Variants in TENT5A observed in about 807,000 individuals in gnomAD.
TENT5A encodes terminal nucleotidyltransferase 5A.
A neutral mutation model predicts 30.2 loss-of-function variants in TENT5A; 9 were observed. That is an observed-to-expected ratio of 0.30 (90% CI 0.18 to 0.52). The LOEUF (loss-of-function observed/expected upper bound fraction) is 0.52, where lower values mean the gene tolerates loss of function less well. TENT5A is among the 20% of genes least tolerant of loss of function. TENT5A has a pLI of 0.97. For missense variants in TENT5A, 411 were observed against 566.1 expected (o/e 0.73, Z 2.78); for synonymous variants, 264 against 234.2 (o/e 1.13, Z -1.16).
At chr6:81,752,317 C>CCT in intron 1 of TENT5A, 114 bp downstream of exon 1, 1 of 1,533,822 alleles carries the variant, frequency 6.5e-7, no homozygotes, top group Non-Finnish European at 8.8e-7. Context: ...TCGGAGACTC[C>CCT]CTCCCCCGGC....
rs1447454437 is a variant in TENT5A at position 81,747,951 on chromosome 6, G to C, written c.*1744C>G. 2 of 984,630 alleles carry C rather than the reference G, an allele frequency of 2.0e-6. No individual in the cohort carries two copies. Among genetic ancestry groups the C allele is most frequent in the African/African-American group, 3.5e-5 (2 of 57,190 alleles). The allele number at this position is 984,630 out of a possible 1,614,324, so 61.0% of individuals were successfully genotyped here. A position where few individuals can be genotyped will look rare whatever the true frequency, so the allele number is the denominator to read the frequency against. On this transcript the variant is annotated 3_prime_UTR_variant, in exon 3 of 3. Coordinates refer to ENST00000320172, the MANE Select transcript of TENT5A (RefSeq NM_017633.3). ...AAAGTTGGATTTGATTTAATGGAAAGCGATTTAAAGTACAGTACTAAATAT... is the reference window on the plus strand; with the variant it reads ...AAAGTTGGATTTGATTTAATGGAAACCGATTTAAAGTACAGTACTAAATAT...
intron 2 of TENT5A, among the ~76,000 whole-genome samples, chr6:81,751,327 A>G (rs1769027405): frequency 6.6e-6 from 1 of 152,228 alleles, no homozygotes; most frequent in Non-Finnish European, 1.5e-5. Flanking sequence ...GAGTTAAAAC[A>G]TAAGGAGAAA....
rs998905685 is a variant in TENT5A, at chr6:81,752,502, G to A, written c.-109C>T. ...CCGAGAGGCGGCAACACTTCCAGGA[G>A]CTGCGAGCGCGCTCAGACAGCAAAT... is the stretch of plus-strand genomic sequence containing the variant. On this transcript the variant is annotated 5_prime_UTR_variant, in exon 1 of 3. Transcript: ENST00000320172. 2.0e-6 allele frequency: 3 copies of A among 1,485,920 alleles called. No individual in the cohort carries two copies. The highest frequency in any genetic ancestry group is 1.8e-6 in the Non-Finnish European group (2 of 1,088,444). The allele number at this position is 1,485,920 out of a possible 1,614,324, so 92.0% of individuals were successfully genotyped here.
In TENT5A at chr6:81,746,981, G is replaced by A; in HGVS notation, c.*2714C>T. On this transcript the variant is annotated 3_prime_UTR_variant, in exon 3 of 3. Transcript: ENST00000320172. Reference sequence around the variant, plus strand: ...CTATATGAATAGGTGCCAGGTGCTGGCACTTCCAACTAAGCTACCAACCCT... The same window carrying A: ...CTATATGAATAGGTGCCAGGTGCTGACACTTCCAACTAAGCTACCAACCCT... 1.0e-6 allele frequency: 1 copy of A among 990,184 alleles called. No homozygotes were observed. The highest frequency in any genetic ancestry group is 1.2e-6 in the Non-Finnish European group (1 of 832,974). The allele number at this position is 990,184 out of a possible 1,614,324, so 61.3% of individuals were successfully genotyped here.
Position 81,746,525 on chromosome 6 carries a change from A to C in TENT5A, c.*3170T>G. On this transcript the variant is annotated 3_prime_UTR_variant, in exon 3 of 3. Coordinates refer to ENST00000320172, the MANE Select transcript of TENT5A (RefSeq NM_017633.3). ...AGCAGATACTTGATCCCATTTCTGG[A>C]AAGGAAATGTCCATCTTGGTGTAGG... The C allele has an allele frequency of 8.1e-7, 1 of 1,232,136 alleles. No individual in the cohort carries two copies. Among genetic ancestry groups the C allele is most frequent in the Non-Finnish European group, 1.0e-6 (1 of 987,940 alleles). 76.3% of individuals were successfully genotyped at this position (1,232,136 alleles called of 1,614,324 possible). A position where few individuals can be genotyped will look rare whatever the true frequency, so the allele number is the denominator to read the frequency against.
chr6:81,752,545 C>A lies in TENT5A; in HGVS notation c.-152G>T. ...CAGCAAATAGCGACTTCGTCTTTCC[C>A]AGACCCCTGCCGCCTGCGCTCACCA... On this transcript the variant is annotated 5_prime_UTR_variant, in exon 1 of 3. Transcript: ENST00000320172. 2 of 1,118,806 alleles carry A rather than the reference C, an allele frequency of 1.8e-6. No individual in the cohort carries two copies. The highest frequency in any genetic ancestry group is 2.7e-6 in the Non-Finnish European group (2 of 753,296). 69.3% of individuals were successfully genotyped at this position (1,118,806 alleles called of 1,614,324 possible). A position where few individuals can be genotyped will look rare whatever the true frequency, so the allele number is the denominator to read the frequency against.
chr6:81,748,316 G>A lies in TENT5A; in HGVS notation c.*1379C>T, dbSNP rs1472634773. 1.0e-6 allele frequency: 1 copy of A among 980,106 alleles called. No individual in the cohort carries two copies. Among genetic ancestry groups the A allele is most frequent in the African/African-American group, 1.8e-5 (1 of 55,692 alleles). The allele number at this position is 980,106 out of a possible 1,614,324, so 60.7% of individuals were successfully genotyped here. Reference sequence around the variant, plus strand: ...ATGGGTTCCAACTGTCAAAATGGCAGTTCAATATAAAAAAGAGTGCTCTGC... The same window carrying A: ...ATGGGTTCCAACTGTCAAAATGGCAATTCAATATAAAAAAGAGTGCTCTGC... On this transcript the variant is annotated 3_prime_UTR_variant, in exon 3 of 3. Coordinates refer to ENST00000320172, the MANE Select transcript of TENT5A (RefSeq NM_017633.3).
chr6:81,749,975 C>T lies in TENT5A; in HGVS notation c.1049G>A (p.Arg350His), dbSNP rs747135448. The T allele has an allele frequency of 1.7e-5, 28 of 1,614,002 alleles. No individual in the cohort carries two copies. Among genetic ancestry groups the T allele is most frequent in the Middle Eastern group, 3.3e-4 (2 of 6,084 alleles). Reference sequence around the variant, plus strand: ...AAGGGTCATGAGATACTCATACTTGCGGTCTTCCAATCCCACAAAGTGGTT... The same window carrying T: ...AAGGGTCATGAGATACTCATACTTGTGGTCTTCCAATCCCACAAAGTGGTT... ...LQNHFVGLED[R>H]KYEYLMTLHG... The change falls in exon 3 of 3, where the codon CGC (arginine) becomes CAC (histidine). Residue 350 changes from arginine to histidine, a missense_variant. Physicochemically the swap from Arg to His is conservative, Grantham distance 29. This residue lies in a region of TENT5A where 135 missense variants were observed against 240.0 expected (regional missense o/e 0.56). Coordinates refer to ENST00000320172, the MANE Select transcript of TENT5A (RefSeq NM_017633.3).
rs1768922017 is a variant in TENT5A at position 81,748,040 on chromosome 6, A to G, written c.*1655T>C. The G allele has an allele frequency of 1.0e-6, 1 of 958,786 alleles. No homozygotes were observed. Among genetic ancestry groups the G allele is most frequent in the East Asian group, 1.1e-4 (1 of 8,706 alleles). The allele number at this position is 958,786 out of a possible 1,614,324, so 59.4% of individuals were successfully genotyped here. On this transcript the variant is annotated 3_prime_UTR_variant, in exon 3 of 3. Coordinates refer to ENST00000320172, the MANE Select transcript of TENT5A (RefSeq NM_017633.3). ...ATTGACATGATTTATAAAATGTTAT[A>G]TATAATATATATCTCATATATAAAT... is the stretch of plus-strand genomic sequence containing the variant.
At position 81,748,169 on chromosome 6, in the gene TENT5A, T is replaced by C. The variant is rs1459331208; in HGVS notation, c.*1526A>G. The C allele has an allele frequency of 3.0e-6, 3 of 985,162 alleles. No homozygotes were observed. Among genetic ancestry groups the C allele is most frequent in the Non-Finnish European group, 3.6e-6 (3 of 829,576 alleles). 61.0% of individuals were successfully genotyped at this position (985,162 alleles called of 1,614,324 possible). ...CATTCATTAAAATTCATTTAAACAT[T>C]AGCAAGTAGTGTTTAGATCACCGGA... On this transcript the variant is annotated 3_prime_UTR_variant, in exon 3 of 3. Coordinates refer to ENST00000320172, the MANE Select transcript of TENT5A (RefSeq NM_017633.3).
At chr6:81,751,539 A>T (rs1276236371) in intron 2 of TENT5A, 51 bp downstream of exon 2, 1 of 1,504,666 alleles carries the variant, frequency 6.6e-7, no homozygotes, top group South Asian at 1.3e-5. Flanking sequence ...GCTCCCCGTC[A>T]CACCCGGCCC....
rs990894795 is a variant in TENT5A at position 81,748,652 on chromosome 6, TAC to T, written c.*1041_*1042del. 112 of 911,206 alleles carry T rather than the reference TAC, an allele frequency of 1.2e-4. No homozygotes were observed. Among genetic ancestry groups the T allele is most frequent in the Admixed American group, 4.3e-4 (7 of 16,162 alleles). The allele number at this position is 911,206 out of a possible 1,614,324, so 56.4% of individuals were successfully genotyped here. A position where few individuals can be genotyped will look rare whatever the true frequency, so the allele number is the denominator to read the frequency against. The stretch of plus-strand genomic sequence containing the variant: ...AAAATGTATATATAAAATGTATATA[TAC>T]ACACACACATATAATTTATACACAC... On this transcript the variant is annotated 3_prime_UTR_variant, in exon 3 of 3. Transcript: ENST00000320172.
In TENT5A at chr6:81,752,412, A is replaced by G. The variant is rs1581992602; in HGVS notation, c.-38+19T>C. On this transcript the variant is annotated intron_variant, in intron 1 of 2. Transcript: ENST00000320172. Reference sequence around the variant, plus strand: ...CTGATGCATCTGGAAAGCGCAAGCGAGAGTCCCGTCTGTGTCACCTGGAGG... The same window carrying G: ...CTGATGCATCTGGAAAGCGCAAGCGGGAGTCCCGTCTGTGTCACCTGGAGG... 6.5e-7 allele frequency: 1 copy of G among 1,549,922 alleles called. No individual in the cohort carries two copies. Among genetic ancestry groups the G allele is most frequent in the Non-Finnish European group, 8.7e-7 (1 of 1,146,866 alleles).
Position 81,747,119 on chromosome 6 carries a change from T to C in TENT5A, c.*2576A>G. 1.0e-6 allele frequency: 1 copy of C among 985,388 alleles called. No homozygotes were observed. The allele number at this position is 985,388 out of a possible 1,614,324, so 61.0% of individuals were successfully genotyped here. A position where few individuals can be genotyped will look rare whatever the true frequency, so the allele number is the denominator to read the frequency against. ...ATAAATTAACAGCAGGTTATTGTTA[T>C]GGCAGAGTCAGAGACCTCCAGACTC... On this transcript the variant is annotated 3_prime_UTR_variant, in exon 3 of 3. Coordinates refer to ENST00000320172, the MANE Select transcript of TENT5A (RefSeq NM_017633.3).
At position 81,750,261 on chromosome 6, in the gene TENT5A, A is replaced by C; in HGVS notation, c.763T>G (p.Phe255Val). Residue 255 changes from phenylalanine to valine, a missense_variant, in exon 3 of 3, where the codon TTT (phenylalanine) becomes GTT (valine). This residue lies in a region of TENT5A where 135 missense variants were observed against 240.0 expected (regional missense o/e 0.56). Coordinates refer to ENST00000320172, the MANE Select transcript of TENT5A (RefSeq NM_017633.3). This position sits in a 1 kb window ranked among gnomAD's most constrained non-coding sequence, Gnocchi z 4.2. Reference protein sequence around the residue: ...ECSENPMTETFHPTIIGESVY... With the variant: ...ECSENPMTETVHPTIIGESVY... ...CTCTCCCCGATTATTGTGGGGTGAA[A>C]TGTCTCAGTCATTGGGTTCTCTGAA... The C allele has an allele frequency of 6.2e-7, 1 of 1,614,120 alleles. No individual in the cohort carries two copies. Among genetic ancestry groups the C allele is most frequent in the Non-Finnish European group, 8.5e-7 (1 of 1,180,004 alleles).
Position 81,748,043 on chromosome 6 carries a change from TAATA to T in TENT5A, c.*1648_*1651del, listed in dbSNP as rs1317934028. On this transcript the variant is annotated 3_prime_UTR_variant, in exon 3 of 3. Transcript: ENST00000320172. ...GACATGATTTATAAAATGTTATATA[TAATA>T]TATATCTCATATATAAATTTTAAGC... is the stretch of plus-strand genomic sequence containing the variant. 1.0e-6 allele frequency: 1 copy of T among 955,548 alleles called. No homozygotes were observed. Among genetic ancestry groups the T allele is most frequent in the African/African-American group, 1.8e-5 (1 of 56,542 alleles). The allele number at this position is 955,548 out of a possible 1,614,324, so 59.2% of individuals were successfully genotyped here.
Position 81,752,417 on chromosome 6 carries a change from C to A in TENT5A, c.-38+14G>T. The A allele has an allele frequency of 1.3e-6, 2 of 1,550,182 alleles. No individual in the cohort carries two copies. Among genetic ancestry groups the A allele is most frequent in the Non-Finnish European group, 8.7e-7 (1 of 1,146,932 alleles). ...GCATCTGGAAAGCGCAAGCGAGAGTCCCGTCTGTGTCACCTGGAGGCGGCC... is the reference window on the plus strand; with the variant it reads ...GCATCTGGAAAGCGCAAGCGAGAGTACCGTCTGTGTCACCTGGAGGCGGCC... On this transcript the variant is annotated intron_variant, in intron 1 of 2. Transcript: ENST00000320172.
chr6:81,746,162 A>T lies in TENT5A; in HGVS notation c.*3533T>A, dbSNP rs1051333594. The stretch of plus-strand genomic sequence containing the variant: ...ATGCTAAAAGAAATTTTAAAGAAAG[A>T]TTATATTCAAATAGATGCTATATAT... On this transcript the variant is annotated 3_prime_UTR_variant, in exon 3 of 3. Coordinates refer to ENST00000320172, the MANE Select transcript of TENT5A (RefSeq NM_017633.3). The T allele has an allele frequency of 1.0e-6, 1 of 1,004,236 alleles. No homozygotes were observed. The highest frequency in any genetic ancestry group is 1.2e-6 in the Non-Finnish European group (1 of 840,326). The allele number at this position is 1,004,236 out of a possible 1,614,324, so 62.2% of individuals were successfully genotyped here. A position where few individuals can be genotyped will look rare whatever the true frequency, so the allele number is the denominator to read the frequency against.
chr6:81,748,369 T>G lies in TENT5A; in HGVS notation c.*1326A>C. 1.0e-6 allele frequency: 1 copy of G among 983,002 alleles called. No individual in the cohort carries two copies. The highest frequency in any genetic ancestry group is 1.2e-6 in the Non-Finnish European group (1 of 829,002). The allele number at this position is 983,002 out of a possible 1,614,324, so 60.9% of individuals were successfully genotyped here. On this transcript the variant is annotated 3_prime_UTR_variant, in exon 3 of 3. Coordinates refer to ENST00000320172, the MANE Select transcript of TENT5A (RefSeq NM_017633.3). ...AACAAATATTCTCCCATTTGTGGAA[T>G]TTTATGGCTCACCAAAGAAAAAAAA...
Sources: allele counts gnomAD v4.1 joint callset (sites outside exome capture counted in the v4.1 genomes callset), GRCh38; gene constraint gnomAD v4.1.1; regional missense constraint gnomAD v4.1.1; non-coding constraint Gnocchi (gnomAD v3.1); transcripts MANE v1.5; gene names NCBI Gene and HGNC (gene_info 2026-07-23, HGNC 2026-07-21).